MACF1: variants seen among roughly 807,000 people sequenced by gnomAD.
MACF1 encodes the protein microtubule-actin cross-linking factor 1.
In MACF1, 193 loss-of-function variants were observed where a neutral mutation model predicts 854.8. The ratio of observed to expected loss-of-function variants is 0.23; its 90% CI spans 0.20 to 0.25. MACF1 has a LOEUF of 0.25. Ranked by LOEUF, MACF1 falls within the 10% of genes least tolerant of loss-of-function variation. The pLI is 1.00. For synonymous variants in MACF1, 3,185 were observed against 3,226.7 expected, an observed-to-expected ratio of 0.99 and a Z score of 0.44; for missense variants, 7,722 against 8,929.1, an observed-to-expected ratio of 0.86 and a Z score of 5.45.
At chr1:39,090,438 A>G (rs994195931) in intron 2 of MACF1, among the ~76,000 whole-genome samples, 1 of 152,214 alleles carries the variant, frequency 6.6e-6, no homozygotes, top group African/African-American at 2.4e-5. Context: ...TGTGGGCTGG[A>G]ACATGACCAC....
chr1:39,329,250 A>G (rs746247345), intron 36 of MACF1, among the ~76,000 whole-genome samples: 20 of 152,244 alleles, frequency 1.3e-4, no homozygotes, highest in Non-Finnish European at 8.8e-5. Flanking sequence ...TTGATTGAAC[A>G]CATATGTAGA....
At chr1:39,479,357 C>T (rs1644972943) in intron 97 of MACF1, among the ~76,000 whole-genome samples, 1 of 152,092 alleles carries the variant, frequency 6.6e-6, no homozygotes, top group Non-Finnish European at 1.5e-5. Flanking sequence ...TAGACAATAT[C>T]GATTTCAGTA....
chr1:39,270,209 A>G (rs751661928), intron 6 of MACF1, among the ~76,000 whole-genome samples: 5 of 152,188 alleles, frequency 3.3e-5, no homozygotes, highest in Non-Finnish European at 5.9e-5. Flanking sequence ...ATGCAATCCC[A>G]TCCCTGTTGG....
intron 99 of MACF1, among the ~76,000 whole-genome samples, chr1:39,484,331 ATT>A (rs11366304): frequency 1.1e-4 from 17 of 149,186 alleles, no homozygotes; most frequent in East Asian, 3.9e-4. Context: ...CTTACTGAGG[ATT>A]TTTTTTTTTT....
At position 39,283,377 on chromosome 1, in the gene MACF1, G is replaced by T; in HGVS notation, c.809-32G>T. 1.3e-6 allele frequency: 2 copies of T among 1,590,312 alleles called. No homozygotes were observed. The highest frequency in any genetic ancestry group is 1.1e-5 in the South Asian group (1 of 90,500). On this transcript the variant is annotated intron_variant, in intron 8 of 100. Transcript: ENST00000564288. The surrounding 1 kb of genome is among the most constrained non-coding windows in gnomAD (Gnocchi z 4.5). ...TTCTTCTGGCAAGTTCCTTTGTTCT[G>T]ACTAAGAAATTTCTTGTCCATTCTC... is the stretch of plus-strand genomic sequence containing the variant.
intron 2 of MACF1, among the ~76,000 whole-genome samples, chr1:39,132,935 C>T (rs943349153): frequency 6.6e-6 from 1 of 152,210 alleles, no homozygotes; most frequent in Non-Finnish European, 1.5e-5. Context: ...TGGTAGAGCC[C>T]CTTCTCCCCC....
chr1:39,086,074 C>T (rs907104647), intron 2 of MACF1, among the ~76,000 whole-genome samples: 6 of 152,342 alleles, frequency 3.9e-5, no homozygotes, highest in African/African-American at 1.4e-4. Context: ...GTGCCCATCA[C>T]TCCCTTAGAA....
chr1:39,151,501 A>G (rs1033732606), intron 2 of MACF1, among the ~76,000 whole-genome samples: 2 of 152,258 alleles, frequency 1.3e-5, no homozygotes, highest in African/African-American at 4.8e-5. Flanking sequence ...ATTTCCTGCC[A>G]TTATTCTTCC....
intron 42 of MACF1, 91 bp from the exon 43 acceptor site, chr1:39,350,694 A>T (rs1041933073): frequency 1.9e-5 from 17 of 874,970 alleles, no homozygotes; most frequent in Non-Finnish European, 3.1e-5. Context: ...ACAGGACTAT[A>T]TGTCATCCTA....
chr1:39,295,928 TA>T, intron 20 of MACF1, 46 bp downstream of exon 20: 1 of 1,534,236 alleles, frequency 6.5e-7, no homozygotes, highest in Admixed American at 1.8e-5. Flanking sequence ...ATATGTATGT[TA>T]AAGGTGAGGT....
chr1:39,173,648 C>G (rs1196827442), intron 2 of MACF1, among the ~76,000 whole-genome samples: 1 of 152,148 alleles, frequency 6.6e-6, no homozygotes, highest in East Asian at 1.9e-4. Context: ...GGAGTAGAGA[C>G]TCTGTTATTT....
rs750531511 is a variant in MACF1, at chr1:39,283,285, C to T, written c.792C>T (p.Arg264=). The T allele has an allele frequency of 1.9e-5, 31 of 1,612,550 alleles. No individual in the cohort carries two copies. The highest frequency in any genetic ancestry group is 8.3e-5 in the Admixed American group (5 of 59,996). ...TGGCAGAAAGACTGGGGGTCACTCG[C>T]CTGCTGGATGCAGAAGGTGAGAGGG... is the stretch of plus-strand genomic sequence containing the variant. ...FEVAERLGVT[R]LLDAEDVDVP... is the part of the protein sequence containing the mutation. The change falls in exon 8 of 101, where the codon CGC becomes CGT. Residue 264 remains arginine (R), a synonymous_variant. Coordinates refer to ENST00000564288, the MANE Select transcript of MACF1 (RefSeq NM_001394062.1). The surrounding 1 kb of genome is among the most constrained non-coding windows in gnomAD (Gnocchi z 4.5).
chr1:39,094,913 C>T (rs1027471213), intron 2 of MACF1, among the ~76,000 whole-genome samples: 1 of 151,856 alleles, frequency 6.6e-6, no homozygotes, highest in Admixed American at 6.6e-5. Context: ...ACAAAAACCA[C>T]AAAACACACA....
intron 17 of MACF1, 126 bp downstream of exon 17, chr1:39,292,969 C>G (rs1026612835): frequency 1.5e-6 from 1 of 663,740 alleles, no homozygotes; most frequent in Non-Finnish European, 2.6e-6. Flanking sequence ...TAGGTTATAT[C>G]ATTTACTATG....
Position 39,485,582 on chromosome 1 carries a change from C to A in MACF1, c.22456C>A (p.Arg7486=). ...TCGCCCTGGGAGTCGGGCTGGGAGT[C>A]GAGCCGGGAGTCGAGCCAGCAGCCG... ...ASRPGSRAGS[R]AGSRASSRRG... Residue 7486 remains arginine, a synonymous_variant, in exon 101 of 101, where the codon CGA becomes AGA. Transcript: ENST00000564288. The A allele has an allele frequency of 6.2e-7, 1 of 1,613,874 alleles. No individual in the cohort carries two copies. Among genetic ancestry groups the A allele is most frequent in the Non-Finnish European group, 8.5e-7 (1 of 1,179,902 alleles).
At position 39,331,287 on chromosome 1, in the gene MACF1, G is replaced by T; in HGVS notation, c.4699G>T (p.Asp1567Tyr). 6.2e-7 allele frequency: 1 copy of T among 1,607,424 alleles called. No individual in the cohort carries two copies. Among genetic ancestry groups the T allele is most frequent in the South Asian group, 1.1e-5 (1 of 90,930 alleles). ...IFKAMQKGLL[D>Y]QDTGLVLLES... ...CAAAGCCATGCAAAAGGGCCTCCTTGACCAAGACACAGGCCTAGTGCTTCT... is the reference window on the plus strand; with the variant it reads ...CAAAGCCATGCAAAAGGGCCTCCTTTACCAAGACACAGGCCTAGTGCTTCT... The change falls in exon 37 of 101, where the codon GAC (aspartate) becomes TAC (tyrosine). Residue 1567 changes from aspartate (D) to tyrosine (Y), a missense_variant. Transcript: ENST00000564288.
At chr1:39,160,039 G>A (rs1012485087) in intron 2 of MACF1, among the ~76,000 whole-genome samples, 5 of 152,272 alleles carry the variant, frequency 3.3e-5, no homozygotes, top group Admixed American at 2.6e-4. Flanking sequence ...TACAGGTCGG[G>A]CATGGTGGCT....
chr1:39,448,891 A>G, intron 84 of MACF1, 128 bp downstream of exon 84: 1 of 581,428 alleles, frequency 1.7e-6, no homozygotes. Context: ...TAACACCACC[A>G]GTTAGTTCAA....
intron 84 of MACF1, 89 bp from the exon 85 acceptor site, chr1:39,450,963 C>G (rs1644331951): frequency 1.4e-6 from 2 of 1,432,122 alleles, no homozygotes; most frequent in Non-Finnish European, 9.6e-7. Context: ...ATATAGGGTT[C>G]AAGCAATATT....
Sources: allele counts gnomAD v4.1 joint callset (sites outside exome capture counted in the v4.1 genomes callset), GRCh38; gene constraint gnomAD v4.1.1; non-coding constraint Gnocchi (gnomAD v3.1); transcripts MANE v1.5; gene names NCBI Gene and HGNC (gene_info 2026-07-23, HGNC 2026-07-21).